SHANK2: variants seen among roughly 807,000 people sequenced by gnomAD.
SHANK2 encodes SH3 and multiple ankyrin repeat domains 2.
In SHANK2, 43 loss-of-function variants were observed where a neutral mutation model predicts 133.7. That is an observed-to-expected ratio of 0.32 (90% confidence interval 0.25 to 0.41). The LOEUF (loss-of-function observed/expected upper bound fraction) is 0.41, where lower values mean the gene tolerates loss of function less well. Among genes scored for constraint, SHANK2 ranks in the 10% least tolerant of loss-of-function variants. SHANK2 has a pLI of 1.00. For synonymous variants in SHANK2, 1,017 were observed against 952.8 expected, an observed-to-expected ratio of 1.07 and a Z score of -1.24; for missense variants, 1,994 against 2,235.8, an observed-to-expected ratio of 0.89 and a Z score of 2.18.
At chr11:70,852,400 G>T (rs1590758892) in intron 11 of SHANK2, among the ~76,000 whole-genome samples, 2 of 152,228 alleles carry the variant, frequency 1.3e-5, no homozygotes. Context: ...GCCTGCAAAG[G>T]GTGTTGTGTT....
At chr11:71,138,371 T>A (rs1952489312) in intron 3 of SHANK2, among the ~76,000 whole-genome samples, 1 of 152,180 alleles carries the variant, frequency 6.6e-6, no homozygotes, top group Non-Finnish European at 1.5e-5. Flanking sequence ...AGTAGAGGAA[T>A]CCTCAAATAC....
At chr11:70,609,531 C>T (rs1554993536) in intron 17 of SHANK2, among the ~76,000 whole-genome samples, 1 of 152,074 alleles carries the variant, frequency 6.6e-6, no homozygotes, top group Non-Finnish European at 1.5e-5. Context: ...TCCGTGATGG[C>T]CGAGAGGCGG....
intron 25 of SHANK2, among the ~76,000 whole-genome samples, chr11:70,482,475 G>A (rs375907261): frequency 1.3e-5 from 2 of 152,250 alleles, no homozygotes; most frequent in South Asian, 2.1e-4. Context: ...CCCACAAGGT[G>A]AGGAGTCAAA....
At chr11:70,896,627 T>C (rs1158510444) in intron 10 of SHANK2, 60 bp from the exon 11 acceptor site, 12 of 705,948 alleles carry the variant, frequency 1.7e-5, no homozygotes, top group Admixed American at 4.1e-5. Flanking sequence ...TTTCTGCATA[T>C]ACTATTACAT....
intron 17 of SHANK2, among the ~76,000 whole-genome samples, chr11:70,636,275 G>A (rs2061080524): frequency 6.6e-6 from 1 of 152,258 alleles, no homozygotes. Flanking sequence ...GCATGCATGT[G>A]TGTGTACATG....
intron 17 of SHANK2, among the ~76,000 whole-genome samples, chr11:70,647,811 C>G (rs1440204498): frequency 6.6e-6 from 1 of 152,212 alleles, no homozygotes; most frequent in Non-Finnish European, 1.5e-5. Flanking sequence ...GTGAACTCAG[C>G]ACTCACTGAA....
intron 1 of SHANK2, among the ~76,000 whole-genome samples, chr11:71,247,043 T>G (rs1484441475): frequency 6.6e-6 from 1 of 152,226 alleles, no homozygotes; most frequent in African/African-American, 2.4e-5. Context: ...ATATTTTTCG[T>G]GCAGAGAAGT....
chr11:70,480,660 T>C (rs2058721082), intron 25 of SHANK2, among the ~76,000 whole-genome samples: 1 of 152,194 alleles, frequency 6.6e-6, no homozygotes. Flanking sequence ...ATAAAGGCAA[T>C]CCCTAACTTT....
chr11:70,766,146 C>T (rs1266320403), intron 14 of SHANK2, among the ~76,000 whole-genome samples: 11 of 152,236 alleles, frequency 7.2e-5, no homozygotes, highest in Admixed American at 2.0e-4. Flanking sequence ...TTGAACCTTT[C>T]GCTCTTCCTC....
intron 17 of SHANK2, among the ~76,000 whole-genome samples, chr11:70,540,092 T>A (rs1270658723): frequency 6.6e-6 from 1 of 152,076 alleles, no homozygotes; most frequent in African/African-American, 2.4e-5. Context: ...TGTGACCCCA[T>A]CTTAACCAGT....
Position 71,086,084 on chromosome 11 carries a change from TAATATATTAA to T in SHANK2, c.912+6328_912+6337del, listed in dbSNP as rs1431701948. 4.1e-4 allele frequency among the ~76,000 whole-genome samples: 11 copies of T among 27,112 alleles called. No homozygotes were observed. In the South Asian group the frequency reaches 5.5e-3, roughly 14 times the overall value. The allele number at this position is 27,112 out of a possible 152,430, so 17.8% of individuals were successfully genotyped here. ...ATATTATATAATATATTATGTTATA[TAATATATTAA>T]ATTATATAATATATTATGTTATATA... On this transcript the variant is annotated intron_variant, in intron 8 of 25. Coordinates refer to ENST00000601538, the MANE Select transcript of SHANK2 (RefSeq NM_012309.5).
intron 14 of SHANK2, among the ~76,000 whole-genome samples, chr11:70,712,270 G>A (rs1432833885): frequency 1.3e-5 from 2 of 152,136 alleles, no homozygotes; most frequent in African/African-American, 4.8e-5. Flanking sequence ...AAGGACCCTT[G>A]GGGTCACACT....
intron 5 of SHANK2, among the ~76,000 whole-genome samples, chr11:71,112,756 C>T (rs922269249): frequency 7.9e-5 from 12 of 152,132 alleles, no homozygotes; most frequent in African/African-American, 2.9e-4. Flanking sequence ...TCGCACAGCA[C>T]CCTGAAAGAC....
chr11:70,640,406 G>A (rs1272871084), intron 17 of SHANK2, among the ~76,000 whole-genome samples: 1 of 152,336 alleles, frequency 6.6e-6, no homozygotes, highest in Middle Eastern at 3.4e-3. Context: ...GCCGGAAGAG[G>A]CTGGGAAGGA....
chr11:70,490,118 C>T, intron 23 of SHANK2, 158 bp downstream of exon 23: 1 of 654,812 alleles, frequency 1.5e-6, no homozygotes, highest in Non-Finnish European at 2.8e-6. Flanking sequence ...GTGGGCAAGG[C>T]CAGGTTCCCA....
chr11:71,116,413 T>C (rs1383244146), intron 4 of SHANK2, among the ~76,000 whole-genome samples: 5 of 152,216 alleles, frequency 3.3e-5, no homozygotes, highest in Admixed American at 1.3e-4. Context: ...ACTTGGGGCG[T>C]AGCAAGCCTG....
At chr11:70,660,706 G>A (rs1403947589) in intron 16 of SHANK2, among the ~76,000 whole-genome samples, 3 of 152,230 alleles carry the variant, frequency 2.0e-5, no homozygotes, top group African/African-American at 7.2e-5. Flanking sequence ...AAATCACACA[G>A]ACAGGCGTGG....
At chr11:70,785,340 T>A (rs1947625960) in intron 14 of SHANK2, among the ~76,000 whole-genome samples, 1 of 152,152 alleles carries the variant, frequency 6.6e-6, no homozygotes, top group Non-Finnish European at 1.5e-5. Flanking sequence ...GGGCCCTCAC[T>A]CATCAAAGCA....
intron 2 of SHANK2, among the ~76,000 whole-genome samples, chr11:71,195,052 T>G (rs1953872716): frequency 6.6e-6 from 1 of 152,142 alleles, no homozygotes; most frequent in Non-Finnish European, 1.5e-5. Flanking sequence ...AATCCAGAAA[T>G]AGAGCTCACT....
Sources: allele counts gnomAD v4.1 joint callset (sites outside exome capture counted in the v4.1 genomes callset), GRCh38; gene constraint gnomAD v4.1.1; transcripts MANE v1.5; gene names NCBI Gene and HGNC (gene_info 2026-07-23, HGNC 2026-07-21).